Variants in KCTD16 observed in about 807,000 individuals in gnomAD.
KCTD16 encodes BTB/POZ domain-containing protein KCTD16.
Under a neutral mutation model 33.2 loss-of-function variants are expected in KCTD16, and 13 were observed. The ratio of observed to expected loss-of-function variants is 0.39; its 90% CI spans 0.25 to 0.62. KCTD16 has a LOEUF of 0.62. Among genes scored for constraint, KCTD16 ranks in the 20% least tolerant of loss-of-function variants. KCTD16 has a pLI of 0.50. For synonymous variants in KCTD16, 197 were observed against 195.3 expected, an observed-to-expected ratio of 1.01 and a Z score of -0.07; for missense variants, 441 against 525.1, an observed-to-expected ratio of 0.84 and a Z score of 1.57.
At chr5:144,455,424 G>T (rs1160479373) in intron 3 of KCTD16, among the ~76,000 whole-genome samples, 1 of 152,134 alleles carries the variant, frequency 6.6e-6, no homozygotes, top group Non-Finnish European at 1.5e-5. Flanking sequence ...GCATTTTCTT[G>T]TGGTGAATAT....
At chr5:144,449,872 C>A (rs1444948259) in intron 3 of KCTD16, among the ~76,000 whole-genome samples, 1 of 151,870 alleles carries the variant, frequency 6.6e-6, no homozygotes, top group Non-Finnish European at 1.5e-5. Context: ...GGAAAAGTTT[C>A]TTGATGTTGG....
chr5:144,447,663 T>C (rs1714534344), intron 3 of KCTD16, among the ~76,000 whole-genome samples: 1 of 152,138 alleles, frequency 6.6e-6, no homozygotes. Context: ...ACAGGGTAGA[T>C]ATTCACTATT....
At chr5:144,228,170 G>T (rs950017210) in intron 3 of KCTD16, among the ~76,000 whole-genome samples, 1 of 152,118 alleles carries the variant, frequency 6.6e-6, no homozygotes, top group Admixed American at 6.6e-5. Context: ...AAAGAGAGTA[G>T]GTCCGAGAAT....
intron 3 of KCTD16, among the ~76,000 whole-genome samples, chr5:144,381,482 A>G (rs1752213582): frequency 1.3e-5 from 2 of 152,196 alleles, no homozygotes; most frequent in Admixed American, 6.5e-5. Flanking sequence ...GCTTGGAAGC[A>G]TAGGGCTGGC....
chr5:144,205,752 C>T (rs1580786045), intron 2 of KCTD16: 1 of 395,432 alleles, frequency 2.5e-6, no homozygotes, highest in Non-Finnish European at 4.5e-6. Context: ...ACCCAACCTC[C>T]TCTCATCAGG....
intron 3 of KCTD16, among the ~76,000 whole-genome samples, chr5:144,273,171 A>G (rs1198587987): frequency 6.6e-6 from 1 of 152,154 alleles, no homozygotes; most frequent in Non-Finnish European, 1.5e-5. Context: ...GACTTGACTA[A>G]TTCTCTAAAG....
At chr5:144,259,567 G>A (rs9324946) in intron 3 of KCTD16, among the ~76,000 whole-genome samples, 33,351 of 152,042 alleles carry the variant, frequency 0.22, 4,051 homozygotes, top group Non-Finnish European at 0.28. Flanking sequence ...GTACTCAGAC[G>A]AGTGGCTAAA....
intron 3 of KCTD16, among the ~76,000 whole-genome samples, chr5:144,229,085 GTTGT>G (rs979924123): frequency 6.6e-5 from 10 of 152,200 alleles, no homozygotes; most frequent in African/African-American, 2.2e-4. Flanking sequence ...ATTCCACATG[GTTGT>G]TTATTTTTCT....
intron 3 of KCTD16, among the ~76,000 whole-genome samples, chr5:144,462,794 G>C (rs989120146): frequency 1.3e-5 from 2 of 152,100 alleles, no homozygotes; most frequent in Non-Finnish European, 2.9e-5. Flanking sequence ...TATGCAAGTG[G>C]CACACCCTTG....
intron 3 of KCTD16, among the ~76,000 whole-genome samples, chr5:144,364,480 C>T (rs1196436767): frequency 1.3e-5 from 2 of 152,180 alleles, no homozygotes; most frequent in African/African-American, 4.8e-5. Context: ...CACAGGTTAT[C>T]ACATCGAAGT....
chr5:144,300,560 T>G (rs1751404100), intron 3 of KCTD16, among the ~76,000 whole-genome samples: 1 of 152,182 alleles, frequency 6.6e-6, no homozygotes, highest in Non-Finnish European at 1.5e-5. Context: ...ATAACTGACC[T>G]TATACACCAA....
chr5:144,241,963 C>T (rs777238617), intron 3 of KCTD16, among the ~76,000 whole-genome samples: 29 of 152,116 alleles, frequency 1.9e-4, no homozygotes, highest in Non-Finnish European at 3.1e-4. Flanking sequence ...TGAAGACTCC[C>T]GTTCTGTTCT....
chr5:144,276,789 G>A (rs1459119192), intron 3 of KCTD16, among the ~76,000 whole-genome samples: 1 of 151,926 alleles, frequency 6.6e-6, no homozygotes, highest in Non-Finnish European at 1.5e-5. Flanking sequence ...TGTAATCCCA[G>A]CTACTCGGGA....
intron 3 of KCTD16, among the ~76,000 whole-genome samples, chr5:144,400,593 C>T (rs1752681171): frequency 6.6e-6 from 1 of 152,094 alleles, no homozygotes; most frequent in Non-Finnish European, 1.5e-5. Context: ...AGAAATTACT[C>T]CTTCAACACC....
chr5:144,359,102 A>G (rs1751644025), intron 3 of KCTD16, among the ~76,000 whole-genome samples: 1 of 152,200 alleles, frequency 6.6e-6, no homozygotes, highest in South Asian at 2.1e-4. Context: ...CAAATGAGAA[A>G]AGACTGACGA....
At chr5:144,361,206 C>A (rs772575359) in intron 3 of KCTD16, among the ~76,000 whole-genome samples, 34 of 152,044 alleles carry the variant, frequency 2.2e-4, no homozygotes, top group Non-Finnish European at 4.6e-4. Flanking sequence ...TTTCCAATTT[C>A]ATCCATGTCC....
intron 3 of KCTD16, among the ~76,000 whole-genome samples, chr5:144,454,841 C>T (rs1344584970): frequency 4.6e-5 from 7 of 151,804 alleles, no homozygotes; most frequent in African/African-American, 1.2e-4. Context: ...TTTCCTGAAA[C>T]GGAATAGGGT....
chr5:144,388,022 T>C (rs930355300), intron 3 of KCTD16, among the ~76,000 whole-genome samples: 7 of 150,758 alleles, frequency 4.6e-5, no homozygotes, highest in Non-Finnish European at 8.8e-5. Flanking sequence ...CAATTATTTA[T>C]TATTAATCGG....
chr5:144,262,069 G>T (rs935674167), intron 3 of KCTD16, among the ~76,000 whole-genome samples: 2 of 152,108 alleles, frequency 1.3e-5, no homozygotes, highest in African/African-American at 4.8e-5. Flanking sequence ...ACAATAAAAA[G>T]AAATAGATAC....
Sources: allele counts gnomAD v4.1 joint callset (sites outside exome capture counted in the v4.1 genomes callset), GRCh38; gene constraint gnomAD v4.1.1; transcripts MANE v1.5; gene names NCBI Gene and HGNC (gene_info 2026-07-23, HGNC 2026-07-21).